Variants in MRGPRE observed in about 807,000 individuals in gnomAD.
MRGPRE encodes the protein mas-related G protein-coupled receptor member E.
For synonymous variants in MRGPRE, 229 were observed against 206.7 expected (o/e 1.11, Z -0.92); for missense variants, 466 against 433.4 (o/e 1.08, Z -0.67).
At position 3,228,402 on chromosome 11, in the gene MRGPRE, C is replaced by T. The variant is rs1007795398; in HGVS notation, c.398G>A (p.Cys133Tyr). The T allele has an allele frequency of 1.9e-6, 3 of 1,602,936 alleles. No homozygotes were observed. The highest frequency in any genetic ancestry group is 2.7e-5 in the African/African-American group (2 of 74,738). Residue 133 changes from cysteine (C) to tyrosine (Y), a missense_variant, in exon 2 of 2, where the codon TGC becomes TAC. By Grantham distance (194) the Cys-to-Tyr change is radical. Coordinates refer to ENST00000389832, the MANE Select transcript of MRGPRE (RefSeq NM_001039165.4). ...GGTGGTCAGGTGGCGTGGGCGGCGG[C>T]ACGAGTACCAGGCTGGGAAGAGGGC... Reference protein sequence around the residue: ...LAALFPAWYSCRRPRHLTTCV... With the variant: ...LAALFPAWYSYRRPRHLTTCV...
Position 3,228,628 on chromosome 11 carries a change from AG to A in MRGPRE, c.171del (p.Phe58SerfsTer54). On this transcript the variant is annotated frameshift_variant, in exon 2 of 2. Coordinates refer to ENST00000389832, the MANE Select transcript of MRGPRE (RefSeq NM_001039165.4). LOFTEE classifies it low-confidence loss of function (END_TRUNC). ...GCCACGTCCAGGAGGTAGATGGCGA[AG>A]GGGTTTCTGTAGACATTGGAGCTGA... The part of the protein sequence containing the change: ...WLLSSNVYRN[P>X]FAIYLLDVAC... 6.2e-7 allele frequency: 1 copy of A among 1,614,090 alleles called. No homozygotes were observed. Among genetic ancestry groups the A allele is most frequent in the South Asian group, 1.1e-5 (1 of 91,078 alleles).
chr11:3,228,693 A>T lies in MRGPRE; in HGVS notation c.107T>A (p.Leu36His). The change falls in exon 2 of 2, where the codon CTC becomes CAC. Residue 36 changes from leucine to histidine, a missense_variant. Coordinates refer to ENST00000389832, the MANE Select transcript of MRGPRE (RefSeq NM_001039165.4). Reference sequence around the variant, plus strand: ...TGCCCCATTCCCCAGCAGCCCACCGAGGCCGAGCCCCTCGGTGAGGGACAG... The same window carrying T: ...TGCCCCATTCCCCAGCAGCCCACCGTGGCCGAGCCCCTCGGTGAGGGACAG... ...IILSLTEGLG[L>H]GGLLGNGAVL... The T allele has an allele frequency of 6.2e-7, 1 of 1,614,010 alleles. No homozygotes were observed.
Position 3,225,654 on chromosome 11 carries a change from T to A in MRGPRE, c.*2207A>T, listed in dbSNP as rs1285974226. On this transcript the variant is annotated 3_prime_UTR_variant, in exon 2 of 2. Transcript: ENST00000389832. ...CCTGAGGGCTCAAGGACCACAGAACTGGAGGCCAAGCTGGCACATCTGGGG... is the reference window on the plus strand; with the variant it reads ...CCTGAGGGCTCAAGGACCACAGAACAGGAGGCCAAGCTGGCACATCTGGGG... 6.6e-6 allele frequency among the ~76,000 whole-genome samples: 1 copy of A among 152,132 alleles called. No homozygotes were observed. The highest frequency in any genetic ancestry group is 1.5e-5 in the Non-Finnish European group (1 of 68,010).
At position 3,229,931 on chromosome 11, in the gene MRGPRE, C is replaced by T. The variant is rs1847811621; in HGVS notation, c.-61-1071G>A. Among the ~76,000 whole-genome samples, 1 of 152,188 alleles carries T rather than the reference C, an allele frequency of 6.6e-6. No homozygotes were observed. The highest frequency in any genetic ancestry group is 6.5e-5 in the Admixed American group (1 of 15,288). ...CGTCTCCAGCCTCCCTCCATCCCCTCCCAAGGCAGTCGGCTCACGGGGACA... is the reference window on the plus strand; with the variant it reads ...CGTCTCCAGCCTCCCTCCATCCCCTTCCAAGGCAGTCGGCTCACGGGGACA... On this transcript the variant is annotated intron_variant, in intron 1 of 1. Coordinates refer to ENST00000389832, the MANE Select transcript of MRGPRE (RefSeq NM_001039165.4). The surrounding 1 kb of genome is among the most constrained non-coding windows in gnomAD (Gnocchi z 4.4).
In MRGPRE at chr11:3,231,212, C is replaced by T. The variant is rs191989678; in HGVS notation, c.-62+929G>A. Reference sequence around the variant, plus strand: ...GCATGGCTGAGGAGGACACGGGCCTCATGGGTGGGCCCCAGGGAGAGAGCA... The same window carrying T: ...GCATGGCTGAGGAGGACACGGGCCTTATGGGTGGGCCCCAGGGAGAGAGCA... On this transcript the variant is annotated intron_variant, in intron 1 of 1. Transcript: ENST00000389832. This position sits in a 1 kb window ranked among gnomAD's most constrained non-coding sequence, Gnocchi z 4.7. Among the ~76,000 whole-genome samples, 90 of 152,190 alleles carry T rather than the reference C, an allele frequency of 5.9e-4. No homozygotes were observed. The highest frequency in any genetic ancestry group is 1.2e-3 in the Non-Finnish European group (81 of 68,020).
Position 3,231,478 on chromosome 11 carries a change from C to T in MRGPRE, c.-62+663G>A, listed in dbSNP as rs1352515828. Among the ~76,000 whole-genome samples the T allele has an allele frequency of 6.6e-6, 1 of 151,506 alleles. No individual in the cohort carries two copies. The highest frequency in any genetic ancestry group is 2.1e-4 in the South Asian group (1 of 4,802). On this transcript the variant is annotated intron_variant, in intron 1 of 1. Coordinates refer to ENST00000389832, the MANE Select transcript of MRGPRE (RefSeq NM_001039165.4). The surrounding 1 kb of genome is among the most constrained non-coding windows in gnomAD (Gnocchi z 4.7). ...GGAGGCAGAGCTCTGTAGGAAGGGT[C>T]GCCACAGTTGGGTTACAGGACTGTG...
Position 3,228,328 on chromosome 11 carries a change from G to A in MRGPRE, c.472C>T (p.Leu158Phe), listed in dbSNP as rs1197832221. The change falls in exon 2 of 2, where the codon CTC becomes TTC. Residue 158 changes from leucine to phenylalanine, a missense_variant. By Grantham distance (22) the Leu-to-Phe change is conservative. Transcript: ENST00000389832. ...AAGAACTGGGTGCAGGCGCCGCTGA[G>A]CAGCAGGTGCAGCAGCAGGCAGAGG... ...WALCLLLHLL[L>F]SGACTQFFGE... The A allele has an allele frequency of 6.4e-7, 1 of 1,562,044 alleles. No individual in the cohort carries two copies. Among genetic ancestry groups the A allele is most frequent in the Non-Finnish European group, 8.6e-7 (1 of 1,157,230 alleles).
At position 3,231,335 on chromosome 11, in the gene MRGPRE, A is replaced by G. The variant is rs1422362478; in HGVS notation, c.-62+806T>C. Reference sequence around the variant, plus strand: ...CAGAGAAGGAAACAGGGAGGAGAACAGGGGGACAAGGGGTTAGAGCCACGG... The same window carrying G: ...CAGAGAAGGAAACAGGGAGGAGAACGGGGGGACAAGGGGTTAGAGCCACGG... On this transcript the variant is annotated intron_variant, in intron 1 of 1. Coordinates refer to ENST00000389832, the MANE Select transcript of MRGPRE (RefSeq NM_001039165.4). The surrounding 1 kb of genome is among the most constrained non-coding windows in gnomAD (Gnocchi z 4.7). Among the ~76,000 whole-genome samples, 1 of 151,726 alleles carries G rather than the reference A, an allele frequency of 6.6e-6. No homozygotes were observed. Among genetic ancestry groups the G allele is most frequent in the Non-Finnish European group, 1.5e-5 (1 of 67,916 alleles).
Position 3,230,099 on chromosome 11 carries a change from G to C in MRGPRE, c.-61-1239C>G, listed in dbSNP as rs563724468. ...AGACTGCCAGGTGCTCAGAGCCGGA[G>C]ACATGCCTGCAGATACCCGGCCCCA... On this transcript the variant is annotated intron_variant, in intron 1 of 1. Coordinates refer to ENST00000389832, the MANE Select transcript of MRGPRE (RefSeq NM_001039165.4). The surrounding 1 kb of genome is among the most constrained non-coding windows in gnomAD (Gnocchi z 5.5). Among the ~76,000 whole-genome samples, 2 of 152,294 alleles carry C rather than the reference G, an allele frequency of 1.3e-5. No homozygotes were observed. The highest frequency in any genetic ancestry group is 3.4e-3 in the Middle Eastern group (1 of 294).
Position 3,230,067 on chromosome 11 carries a change from CT to C in MRGPRE, c.-61-1208del, listed in dbSNP as rs1847812933. ...TGCCAGAAATACAGCAAGTAATAGA[CT>C]CTAGGAGACTGCCAGGTGCTCAGAG... On this transcript the variant is annotated intron_variant, in intron 1 of 1. Transcript: ENST00000389832. This position sits in a 1 kb window ranked among gnomAD's most constrained non-coding sequence, Gnocchi z 5.5. 6.6e-6 allele frequency among the ~76,000 whole-genome samples: 1 copy of C among 152,182 alleles called. No homozygotes were observed. The highest frequency in any genetic ancestry group is 2.1e-4 in the South Asian group (1 of 4,828).
rs574144843 is a variant in MRGPRE, at chr11:3,227,463, C to T, written c.*398G>A. Among the ~76,000 whole-genome samples, 6 of 152,248 alleles carry T rather than the reference C, an allele frequency of 3.9e-5. No individual in the cohort carries two copies. The highest frequency in any genetic ancestry group is 2.1e-4 in the South Asian group (1 of 4,820). ...CTGGAGTGGGAGGGGAGGTGGCCTG[C>T]GGAAAGGCCTGGACCTGCCCCTCAC... On this transcript the variant is annotated 3_prime_UTR_variant, in exon 2 of 2. Coordinates refer to ENST00000389832, the MANE Select transcript of MRGPRE (RefSeq NM_001039165.4).
rs566214737 is a variant in MRGPRE, at chr11:3,230,590, T to C, written c.-62+1551A>G. Among the ~76,000 whole-genome samples the C allele has an allele frequency of 5.3e-4, 79 of 147,816 alleles. No individual in the cohort carries two copies. The highest frequency in any genetic ancestry group is 1.9e-3 in the African/African-American group (76 of 40,488). Reference sequence around the variant, plus strand: ...TCAGCTCTGTGGTCTTTTGTTTGACTGGGGTGAAATGACAGCCTGAGGTTG... The same window carrying C: ...TCAGCTCTGTGGTCTTTTGTTTGACCGGGGTGAAATGACAGCCTGAGGTTG... On this transcript the variant is annotated intron_variant, in intron 1 of 1. Coordinates refer to ENST00000389832, the MANE Select transcript of MRGPRE (RefSeq NM_001039165.4). The surrounding 1 kb of genome is among the most constrained non-coding windows in gnomAD (Gnocchi z 5.5).
At position 3,229,351 on chromosome 11, in the gene MRGPRE, G is replaced by A. The variant is rs562053644; in HGVS notation, c.-61-491C>T. On this transcript the variant is annotated intron_variant, in intron 1 of 1. Coordinates refer to ENST00000389832, the MANE Select transcript of MRGPRE (RefSeq NM_001039165.4). This position sits in a 1 kb window ranked among gnomAD's most constrained non-coding sequence, Gnocchi z 4.4. The stretch of plus-strand genomic sequence containing the variant: ...AGTGATTCTCCTGTCTCAGCCTCCC[G>A]AAGAGCTGGGATTACAGGCGTGCAT... Among the ~76,000 whole-genome samples the A allele has an allele frequency of 1.1e-4, 16 of 150,596 alleles. No individual in the cohort carries two copies. Among genetic ancestry groups the A allele is most frequent in the South Asian group, 4.2e-4 (2 of 4,766 alleles).
chr11:3,229,204 A>G lies in MRGPRE; in HGVS notation c.-61-344T>C. Among the ~76,000 whole-genome samples the G allele has an allele frequency of 1.4e-5, 2 of 139,016 alleles. No homozygotes were observed. Among genetic ancestry groups the G allele is most frequent in the Admixed American group, 7.3e-5 (1 of 13,646 alleles). The allele number at this position is 139,016 out of a possible 152,430, so 91.2% of individuals were successfully genotyped here. A position where few individuals can be genotyped will look rare whatever the true frequency, so the allele number is the denominator to read the frequency against. On this transcript the variant is annotated intron_variant, in intron 1 of 1. Coordinates refer to ENST00000389832, the MANE Select transcript of MRGPRE (RefSeq NM_001039165.4). The surrounding 1 kb of genome is among the most constrained non-coding windows in gnomAD (Gnocchi z 4.4). ...TGTTGCTAGTGGTGCCTTGATCCTC[A>G]GAATGGGCTTTTTTTTTTTTTTTTT...
At chr11:3,228,935 G>C in intron 1 of MRGPRE, 75 bp from the exon 2 acceptor site, 2 of 711,544 alleles carry the variant, frequency 2.8e-6, no homozygotes, top group Non-Finnish European at 4.6e-6. Context: ...GGGGAGATGA[G>C]AGTTGGGTGG....
rs971790481 is a variant in MRGPRE at position 3,227,404 on chromosome 11, G to A, written c.*457C>T. 1.3e-5 allele frequency among the ~76,000 whole-genome samples: 2 copies of A among 152,164 alleles called. No individual in the cohort carries two copies. The highest frequency in any genetic ancestry group is 1.5e-5 in the Non-Finnish European group (1 of 68,032). On this transcript the variant is annotated 3_prime_UTR_variant, in exon 2 of 2. Coordinates refer to ENST00000389832, the MANE Select transcript of MRGPRE (RefSeq NM_001039165.4). The stretch of plus-strand genomic sequence containing the variant: ...CAAGGCGAGCTGAGGGGATGGTTGT[G>A]TTATCTGTGGGTGCACCTGCAGCAT...
rs1277097092 is a variant in MRGPRE at position 3,225,524 on chromosome 11, T to A, written c.*2337A>T. On this transcript the variant is annotated 3_prime_UTR_variant, in exon 2 of 2. Coordinates refer to ENST00000389832, the MANE Select transcript of MRGPRE (RefSeq NM_001039165.4). ...GTGGCTCTGGGGGCAGAAGAGGAGGTGCAGCGGGGGAGGTCAGAGGAGGCG... is the reference window on the plus strand; with the variant it reads ...GTGGCTCTGGGGGCAGAAGAGGAGGAGCAGCGGGGGAGGTCAGAGGAGGCG... 6.6e-6 allele frequency among the ~76,000 whole-genome samples: 1 copy of A among 151,524 alleles called. No individual in the cohort carries two copies. Among genetic ancestry groups the A allele is most frequent in the African/African-American group, 2.4e-5 (1 of 41,148 alleles).
rs545467036 is a variant in MRGPRE, at chr11:3,229,600, C to T, written c.-61-740G>A. 1.7e-4 allele frequency among the ~76,000 whole-genome samples: 26 copies of T among 152,310 alleles called. No homozygotes were observed. Among genetic ancestry groups the T allele is most frequent in the African/African-American group, 6.0e-4 (25 of 41,574 alleles). On this transcript the variant is annotated intron_variant, in intron 1 of 1. Coordinates refer to ENST00000389832, the MANE Select transcript of MRGPRE (RefSeq NM_001039165.4). The surrounding 1 kb of genome is among the most constrained non-coding windows in gnomAD (Gnocchi z 4.4). ...TTACAGTGGCTGTGGGGCTTTTCGT[C>T]ATCATCTTAAAGCAGCCCTCAACTC... is the stretch of plus-strand genomic sequence containing the variant.
chr11:3,231,626 G>C lies in MRGPRE; in HGVS notation c.-62+515C>G, dbSNP rs1847831416. The stretch of plus-strand genomic sequence containing the variant: ...GGAGGGAGGAGGAGGAGGGGGAGGA[G>C]AAGGAGGGGAGGAGGCGGGGAAGGA... On this transcript the variant is annotated intron_variant, in intron 1 of 1. Transcript: ENST00000389832. This position sits in a 1 kb window ranked among gnomAD's most constrained non-coding sequence, Gnocchi z 4.7. Among the ~76,000 whole-genome samples, 1 of 139,580 alleles carries C rather than the reference G, an allele frequency of 7.2e-6. No individual in the cohort carries two copies. Among genetic ancestry groups the C allele is most frequent in the African/African-American group, 2.6e-5 (1 of 38,316 alleles). The allele number at this position is 139,580 out of a possible 152,430, so 91.6% of individuals were successfully genotyped here. A position where few individuals can be genotyped will look rare whatever the true frequency, so the allele number is the denominator to read the frequency against.
Sources: allele counts gnomAD v4.1 joint callset (sites outside exome capture counted in the v4.1 genomes callset), GRCh38; gene constraint gnomAD v4.1.1; non-coding constraint Gnocchi (gnomAD v3.1); transcripts MANE v1.5; gene names NCBI Gene and HGNC (gene_info 2026-07-23, HGNC 2026-07-21).